KRT75: variants seen among roughly 807,000 people sequenced by gnomAD.
KRT75 encodes the protein keratin, type II cytoskeletal 75.
Under a neutral mutation model 48.8 loss-of-function variants are expected in KRT75, and 35 were observed. The observed-to-expected ratio is 0.72, with a 90% CI of 0.55 to 0.95. The LOEUF (loss-of-function observed/expected upper bound fraction) is 0.95, where lower values mean the gene tolerates loss of function less well. Among genes scored for constraint, KRT75 ranks in the 40% least tolerant of loss-of-function variants. The probability of loss-of-function intolerance (pLI) is 0.00; values close to 1 mark genes in which losing one functional copy is unlikely to be tolerated. For missense variants in KRT75, 776 were observed against 709.9 expected (o/e 1.09, Z -1.06); for synonymous variants, 301 against 282.3 (o/e 1.07, Z -0.66).
At chr12:52,431,260 A>G (rs1940140826) in intron 4 of KRT75, among the ~76,000 whole-genome samples, 1 of 151,594 alleles carries the variant, frequency 6.6e-6, no homozygotes, top group African/African-American at 2.4e-5. Context: ...TCCTTGGGAA[A>G]TTACCCAGTG....
intron 4 of KRT75, among the ~76,000 whole-genome samples, chr12:52,431,071 A>G (rs2121512890): frequency 6.6e-6 from 1 of 152,054 alleles, no homozygotes; most frequent in South Asian, 2.1e-4. Context: ...TGACTCCATC[A>G]CTTTCTACCT....
chr12:52,424,774 G>A lies in KRT75; in HGVS notation c.1418-19C>T, dbSNP rs1372443716. On this transcript the variant is annotated intron_variant, in intron 8 of 8. Transcript: ENST00000252245. ...ACCACAGCTGCCGGGAAGAGAGGAG[G>A]TGTGGTCAGATCAAGTGCAAGCGAG... The A allele has an allele frequency of 1.3e-6, 2 of 1,578,350 alleles. No individual in the cohort carries two copies. The highest frequency in any genetic ancestry group is 1.1e-5 in the South Asian group (1 of 90,416).
At chr12:52,432,959 C>T in intron 2 of KRT75, 79 bp downstream of exon 2, 1 of 1,432,374 alleles carries the variant, frequency 7.0e-7, no homozygotes, top group East Asian at 2.3e-5. Flanking sequence ...TCGGCATTTG[C>T]TCCTTTGCAC....
intron 5 of KRT75, among the ~76,000 whole-genome samples, chr12:52,429,985 C>G (rs1592163372): frequency 1.3e-5 from 2 of 152,132 alleles, no homozygotes; most frequent in African/African-American, 2.4e-5. Flanking sequence ...CCTGCCAGCT[C>G]CTTGTTCAGC....
intron 8 of KRT75, 77 bp downstream of exon 8, chr12:52,426,740 C>T: frequency 1.4e-6 from 2 of 1,414,770 alleles, no homozygotes; most frequent in Non-Finnish European, 2.0e-6. Context: ...ATATCTTCAC[C>T]CTCTGGCAAG....
chr12:52,426,887 A>G, intron 7 of KRT75, 36 bp from the exon 8 acceptor site: 1 of 1,607,018 alleles, frequency 6.2e-7, no homozygotes. Context: ...AAGGTTACCA[A>G]TGTGGCCAGC....
At chr12:52,429,231 C>T (rs1044128076) in intron 5 of KRT75, among the ~76,000 whole-genome samples, 1 of 152,166 alleles carries the variant, frequency 6.6e-6, no homozygotes, top group Non-Finnish European at 1.5e-5. Flanking sequence ...TTCCTGGTCA[C>T]AGAGCGTGCA....
Position 52,424,676 on chromosome 12 carries a change from GC to G in KRT75, c.1496del (p.Gly499AlafsTer31), listed in dbSNP as rs753963369. The stretch of plus-strand genomic sequence containing the variant: ...CACTGGTGGTGAAGGAGTAGCCGCT[GC>G]CCCCACCGAGGCCCAGGTTTCCACC... ...IGGGNLGLGG[G>X]SGYSFTTSGG... On this transcript the variant is annotated frameshift_variant, in exon 9 of 9. Transcript: ENST00000252245. LOFTEE classifies it high-confidence loss of function. 6.2e-6 allele frequency: 10 copies of G among 1,614,042 alleles called. No individual in the cohort carries two copies. The highest frequency in any genetic ancestry group is 7.6e-6 in the Non-Finnish European group (9 of 1,180,004).
intron 2 of KRT75, among the ~76,000 whole-genome samples, 182 bp from the exon 3 acceptor site, chr12:52,432,248 G>A (rs1026648049): frequency 1.3e-5 from 2 of 152,104 alleles, no homozygotes; most frequent in Non-Finnish European, 2.9e-5. Context: ...AATTTCTTCT[G>A]CTAGTTTTTA....
At position 52,433,949 on chromosome 12, in the gene KRT75, C is replaced by A; in HGVS notation, c.356G>T (p.Gly119Val). ...GTTGACAGTGACCTCTTGGATGCCT[C>A]CAGGGGGACACACGGGGAAGCTGGG... is the stretch of plus-strand genomic sequence containing the variant. ...SGPSFPVCPP[G>V]GIQEVTVNQS... Residue 119 changes from glycine (G) to valine (V), a missense_variant, in exon 1 of 9, where the codon GGA (glycine) becomes GTA (valine). By Grantham distance (109) the Gly-to-Val change is moderately radical. Transcript: ENST00000252245. 1 of 1,614,130 alleles carries A rather than the reference C, an allele frequency of 6.2e-7. No homozygotes were observed. The highest frequency in any genetic ancestry group is 8.5e-7 in the Non-Finnish European group (1 of 1,180,010).
intron 2 of KRT75, among the ~76,000 whole-genome samples, chr12:52,432,462 G>A (rs762538857): frequency 6.6e-6 from 1 of 152,132 alleles, no homozygotes. Flanking sequence ...TGAACCTCAG[G>A]GTGGCCCCTG....
At chr12:52,430,271 C>A (rs1940125956) in intron 5 of KRT75, among the ~76,000 whole-genome samples, 1 of 152,016 alleles carries the variant, frequency 6.6e-6, no homozygotes, top group Non-Finnish European at 1.5e-5. Flanking sequence ...TCTCGGTTGT[C>A]CTGGTGTCTC....
intron 4 of KRT75, among the ~76,000 whole-genome samples, chr12:52,431,175 G>A (rs1940139670): frequency 6.8e-6 from 1 of 148,044 alleles, no homozygotes; most frequent in Non-Finnish European, 1.5e-5. Context: ...CCTGACCAAT[G>A]AGCTGAGGGA....
rs1940189627 is a variant in KRT75 at position 52,434,254 on chromosome 12, G to A, written c.51C>T (p.Phe17=). 1 of 1,589,024 alleles carries A rather than the reference G, an allele frequency of 6.3e-7. No homozygotes were observed. The highest frequency in any genetic ancestry group is 1.3e-5 in the African/African-American group (1 of 74,708). The change falls in exon 1 of 9, where the codon TTC becomes TTT. Residue 17 remains phenylalanine, a synonymous_variant. Coordinates refer to ENST00000252245, the MANE Select transcript of KRT75 (RefSeq NM_004693.3). ...CCGGGGTGATGGCCGAGGTGGTGCTGAAGCCCCTGCGGCTGCCAGACTGGA... is the reference window on the plus strand; with the variant it reads ...CCGGGGTGATGGCCGAGGTGGTGCTAAAGCCCCTGCGGCTGCCAGACTGGA... ...ITFQSGSRRG[F]STTSAITPAA...
intron 4 of KRT75, 145 bp from the exon 5 acceptor site, chr12:52,430,850 C>T (rs1940136127): frequency 1.1e-6 from 1 of 926,484 alleles, no homozygotes; most frequent in African/African-American, 1.6e-5. Context: ...TCCCATTCAT[C>T]CCAAAAGATC....
intron 7 of KRT75, among the ~76,000 whole-genome samples, chr12:52,427,395 G>A (rs1940087702): frequency 6.6e-6 from 1 of 152,214 alleles, no homozygotes; most frequent in Admixed American, 6.5e-5. Flanking sequence ...CTTAACAAGA[G>A]GTAACAGCTG....
In KRT75 at chr12:52,430,631, G is replaced by C. The variant is rs760325432; in HGVS notation, c.945C>G (p.Asp315Glu). ...VLSMDNNRNL[D>E]LDSIIAEVKA... is the part of the protein sequence containing the mutation. Reference sequence around the variant, plus strand: ...TGACCTCGGCGATGATACTATCCAGGTCCAGGTTGCGGTTGTTGTCCATGG... The same window carrying C: ...TGACCTCGGCGATGATACTATCCAGCTCCAGGTTGCGGTTGTTGTCCATGG... The change falls in exon 5 of 9, where the codon GAC (aspartate) becomes GAG (glutamate). Residue 315 changes from aspartate (D) to glutamate (E), a missense_variant. Coordinates refer to ENST00000252245, the MANE Select transcript of KRT75 (RefSeq NM_004693.3). 1.2e-6 allele frequency: 2 copies of C among 1,614,168 alleles called. No individual in the cohort carries two copies. The highest frequency in any genetic ancestry group is 1.1e-5 in the South Asian group (1 of 91,084).
chr12:52,433,064 C>T lies in KRT75; in HGVS notation c.687G>A (p.Gln229=), dbSNP rs757929247. 13 of 1,614,066 alleles carry T rather than the reference C, an allele frequency of 8.1e-6. No homozygotes were observed. The highest frequency in any genetic ancestry group is 1.3e-5 in the African/African-American group (1 of 74,996). The change falls in exon 2 of 9, where the codon CAG becomes CAA. Residue 229 remains glutamine, a synonymous_variant. Coordinates refer to ENST00000252245, the MANE Select transcript of KRT75 (RefSeq NM_004693.3). ...TGACTTTGAAATCTTCCACAACATC[C>T]TGCATGTTCCTCAGTTCAGCTTCAA... ...GRLEAELRNM[Q]DVVEDFKVRY... is the part of the protein sequence containing the mutation.
At chr12:52,432,304 T>A (rs555443138) in intron 2 of KRT75, among the ~76,000 whole-genome samples, 1 of 152,324 alleles carries the variant, frequency 6.6e-6, no homozygotes, top group African/African-American at 2.4e-5. Flanking sequence ...CTTAAAGGAA[T>A]ACAAAAATAT....
Sources: gnomAD v4.1 joint callset for allele counts (sites outside exome capture counted in the v4.1 genomes callset) on GRCh38, gnomAD v4.1.1 for gene constraint, MANE v1.5 for transcripts, NCBI Gene and HGNC (gene_info 2026-07-23, HGNC 2026-07-21) for gene names.